Variants in SLC2A4 observed in about 807,000 individuals in gnomAD.
The protein encoded by SLC2A4 is solute carrier family 2, facilitated glucose transporter member 4.
A neutral mutation model predicts 53.3 loss-of-function variants in SLC2A4; 31 were observed. The ratio of observed to expected loss-of-function variants is 0.58; its 90% CI spans 0.44 to 0.78. The LOEUF (loss-of-function observed/expected upper bound fraction) is 0.78, where lower values mean the gene tolerates loss of function less well. Among genes scored for constraint, SLC2A4 ranks in the 30% least tolerant of loss-of-function variants. The pLI is 0.00. For missense variants in SLC2A4, 538 were observed against 655.7 expected, an observed-to-expected ratio of 0.82 and a Z score of 1.96; for synonymous variants, 276 against 281.9, an observed-to-expected ratio of 0.98 and a Z score of 0.21.
Position 7,283,853 on chromosome 17 carries a change from G to A in SLC2A4, c.439G>A (p.Ala147Thr), listed in dbSNP as rs763227660. ...MLILGRFLIG[A>T]YSGLTSGLVP... ...CATCCTTGGACGATTCCTCATTGGC[G>A]CCTACTCAGGTACTCACGGGCACCA... The change falls in exon 4 of 11, where the codon GCC (alanine) becomes ACC (threonine). Residue 147 changes from alanine to threonine, a missense_variant. By Grantham distance (58) the Ala-to-Thr change is moderately conservative. Transcript: ENST00000317370. This position sits in a 1 kb window ranked among gnomAD's most constrained non-coding sequence, Gnocchi z 5.8. The A allele has an allele frequency of 1.8e-5, 29 of 1,613,964 alleles. No individual in the cohort carries two copies. Among genetic ancestry groups the A allele is most frequent in the East Asian group, 6.7e-5 (3 of 44,890 alleles).
In SLC2A4 at chr17:7,283,973, G is replaced by C. The variant is rs1275238258; in HGVS notation, c.449-1G>C. 1 of 1,613,738 alleles carries C rather than the reference G, an allele frequency of 6.2e-7. No individual in the cohort carries two copies. Among genetic ancestry groups the C allele is most frequent in the Admixed American group, 1.7e-5 (1 of 59,964 alleles). ...CAGCCCTCTCTTCTTCCCTCGCCCA[G>C]GGCTGACATCAGGGCTGGTGCCCAT... is the stretch of plus-strand genomic sequence containing the variant. On this transcript the variant is annotated splice_acceptor_variant, in intron 4 of 10. Coordinates refer to ENST00000317370, the MANE Select transcript of SLC2A4 (RefSeq NM_001042.3). LOFTEE classifies it high-confidence loss of function. This position sits in a 1 kb window ranked among gnomAD's most constrained non-coding sequence, Gnocchi z 5.8.
intron 10 of SLC2A4, 164 bp from the exon 11 acceptor site, chr17:7,286,262 A>G: frequency 1.3e-6 from 1 of 750,576 alleles, no homozygotes; most frequent in South Asian, 1.4e-5. Flanking sequence ...TCCTCTTTTC[A>G]GTGTAAATTC....
In SLC2A4 at chr17:7,285,897, C is replaced by T; in HGVS notation, c.1315C>T (p.Gln439Ter). Residue 439 changes from glutamine to a stop codon, truncating the protein, a stop_gained, in exon 10 of 11, where the codon CAG becomes TAG. Coordinates refer to ENST00000317370, the MANE Select transcript of SLC2A4 (RefSeq NM_001042.3). LOFTEE classifies it high-confidence loss of function. The surrounding 1 kb of genome is among the most constrained non-coding windows in gnomAD (Gnocchi z 6.0). ...TSNFIIGMGF[Q>*]YVAEAMGPYV... ...CAACTTCATCATTGGCATGGGTTTC[C>T]AGTATGTTGCGGTAGGTCCCCCCGC... 1 of 1,613,240 alleles carries T rather than the reference C, an allele frequency of 6.2e-7. No homozygotes were observed. Among genetic ancestry groups the T allele is most frequent in the Admixed American group, 1.7e-5 (1 of 59,980 alleles).
rs200526268 is a variant in SLC2A4, at chr17:7,284,878, G to C, written c.959G>C (p.Gly320Ala). ...AGCATCTTCGAGACAGCAGGGGTAG[G>C]CCAGCCTGCCTATGCCACCATAGGA... ...STSIFETAGV[G>A]QPAYATIGAG... Residue 320 changes from glycine to alanine, a missense_variant, in exon 8 of 11, where the codon GGC becomes GCC. Transcript: ENST00000317370. The surrounding 1 kb of genome is among the most constrained non-coding windows in gnomAD (Gnocchi z 7.5). 10 of 1,614,184 alleles carry C rather than the reference G, an allele frequency of 6.2e-6. No homozygotes were observed. Among genetic ancestry groups the C allele is most frequent in the Non-Finnish European group, 7.6e-6 (9 of 1,180,012 alleles).
rs1050691876 is a variant in SLC2A4, at chr17:7,283,112, G to A, written c.34-133G>A. 7.6e-6 allele frequency: 6 copies of A among 794,674 alleles called. No individual in the cohort carries two copies. In the Admixed American group the frequency reaches 1.0e-4, roughly 14 times the overall value. The allele number at this position is 794,674 out of a possible 1,614,324, so 49.2% of individuals were successfully genotyped here. ...AGATCTTTGTGCAATTCCTAATATG[G>A]CCCAGTTTCCCTCACCCAACATGTT... On this transcript the variant is annotated intron_variant, in intron 1 of 10. Transcript: ENST00000317370. The surrounding 1 kb of genome is among the most constrained non-coding windows in gnomAD (Gnocchi z 5.8).
rs2072415068 is a variant in SLC2A4 at position 7,282,969 on chromosome 17, T to G, written c.34-276T>G. The G allele has an allele frequency of 6.6e-6, 3 of 456,120 alleles. No homozygotes were observed. Among genetic ancestry groups the G allele is most frequent in the Non-Finnish European group, 1.2e-5 (3 of 246,028 alleles). 28.3% of individuals were successfully genotyped at this position (456,120 alleles called of 1,614,324 possible). On this transcript the variant is annotated intron_variant, in intron 1 of 10. Transcript: ENST00000317370. The surrounding 1 kb of genome is among the most constrained non-coding windows in gnomAD (Gnocchi z 4.1). The stretch of plus-strand genomic sequence containing the variant: ...AAATCTGAGCTCTTAAGGCCAAGCC[T>G]GTCTCAAGGTCACAGAAGAATTTTG...
At position 7,284,292 on chromosome 17, in the gene SLC2A4, C is replaced by T. The variant is rs748589221; in HGVS notation, c.640C>T (p.Leu214Phe). The stretch of plus-strand genomic sequence containing the variant: ...CCTGGGCCTCACAGTGCTACCTGCC[C>T]TCCTGCAGCTGGTCCTGCTGCCCTT... ...LLLGLTVLPA[L>F]LQLVLLPFCP... The change falls in exon 6 of 11, where the codon CTC becomes TTC. Residue 214 changes from leucine to phenylalanine, a missense_variant. Coordinates refer to ENST00000317370, the MANE Select transcript of SLC2A4 (RefSeq NM_001042.3). The surrounding 1 kb of genome is among the most constrained non-coding windows in gnomAD (Gnocchi z 7.5). The T allele has an allele frequency of 1.9e-6, 3 of 1,614,142 alleles. No individual in the cohort carries two copies. Among genetic ancestry groups the T allele is most frequent in the Non-Finnish European group, 2.5e-6 (3 of 1,180,032 alleles).
chr17:7,286,048 C>T lies in SLC2A4; in HGVS notation c.1326+140C>T, dbSNP rs192055015. 5.3e-6 allele frequency: 4 copies of T among 751,694 alleles called. No individual in the cohort carries two copies. The African/African-American group carries it at 7.1e-5, about 13-fold the overall frequency. The allele number at this position is 751,694 out of a possible 1,614,324, so 46.6% of individuals were successfully genotyped here. ...TCAGTTTGGTGGACCACCTGCTCCA[C>T]AGAATCAAAGCAAGGAAGGGAGCTG... is the stretch of plus-strand genomic sequence containing the variant. On this transcript the variant is annotated intron_variant, in intron 10 of 10. Coordinates refer to ENST00000317370, the MANE Select transcript of SLC2A4 (RefSeq NM_001042.3).
Position 7,284,309 on chromosome 17 carries a change from G to A in SLC2A4, c.657G>A (p.Leu219=). 1 of 1,614,150 alleles carries A rather than the reference G, an allele frequency of 6.2e-7. No individual in the cohort carries two copies. Among genetic ancestry groups the A allele is most frequent in the Non-Finnish European group, 8.5e-7 (1 of 1,180,036 alleles). Residue 219 remains leucine, a synonymous_variant, in exon 6 of 11, where the codon CTG becomes CTA. Coordinates refer to ENST00000317370, the MANE Select transcript of SLC2A4 (RefSeq NM_001042.3). The surrounding 1 kb of genome is among the most constrained non-coding windows in gnomAD (Gnocchi z 7.5). ...TVLPALLQLV[L]LPFCPESPRY... ...TACCTGCCCTCCTGCAGCTGGTCCT[G>A]CTGCCCTTCTGTCCCGAGAGCCCCC... is the stretch of plus-strand genomic sequence containing the variant.
rs913077189 is a variant in SLC2A4 at position 7,282,408 on chromosome 17, T to A, written c.33+441T>A. ...CACTCCTGGCCGCCCTCCAGGACGCTGAACTTTCCCTTGGCCCCATGGTTG... is the reference window on the plus strand; with the variant it reads ...CACTCCTGGCCGCCCTCCAGGACGCAGAACTTTCCCTTGGCCCCATGGTTG... On this transcript the variant is annotated intron_variant, in intron 1 of 10. Coordinates refer to ENST00000317370, the MANE Select transcript of SLC2A4 (RefSeq NM_001042.3). The surrounding 1 kb of genome is among the most constrained non-coding windows in gnomAD (Gnocchi z 4.1). The A allele has an allele frequency of 2.2e-6, 1 of 459,660 alleles. No homozygotes were observed. The highest frequency in any genetic ancestry group is 2.3e-5 in the Admixed American group (1 of 42,650). 28.5% of individuals were successfully genotyped at this position (459,660 alleles called of 1,614,324 possible).
Position 7,285,738 on chromosome 17 carries a change from G to A in SLC2A4, c.1156G>A (p.Val386Met), listed in dbSNP as rs760483902. 1.2e-6 allele frequency: 2 copies of A among 1,614,078 alleles called. No individual in the cohort carries two copies. Among genetic ancestry groups the A allele is most frequent in the South Asian group, 1.1e-5 (1 of 91,088 alleles). The change falls in exon 10 of 11, where the codon GTG becomes ATG. Residue 386 changes from valine (V) to methionine (M), a missense_variant. Transcript: ENST00000317370. The surrounding 1 kb of genome is among the most constrained non-coding windows in gnomAD (Gnocchi z 6.0). ...TCCAGCCATGAGCTACGTCTCCATT[G>A]TGGCCATCTTTGGCTTCGTGGCATT... ...RVPAMSYVSI[V>M]AIFGFVAFFE...
Position 7,284,561 on chromosome 17 carries a change from G to C in SLC2A4, c.804G>C (p.Glu268Asp). ...TGAAGGATGAGAAGCGGAAGCTGGA[G>C]CGTGAGCGGCCACTGTCCCTGCTCC... Reference protein sequence around the residue: ...AELKDEKRKLERERPLSLLQL... With the variant: ...AELKDEKRKLDRERPLSLLQL... The change falls in exon 7 of 11, where the codon GAG becomes GAC. Residue 268 changes from glutamate to aspartate, a missense_variant. Glu to Asp is a conservative substitution (Grantham distance 45). Coordinates refer to ENST00000317370, the MANE Select transcript of SLC2A4 (RefSeq NM_001042.3). The surrounding 1 kb of genome is among the most constrained non-coding windows in gnomAD (Gnocchi z 7.5). The C allele has an allele frequency of 6.2e-7, 1 of 1,614,240 alleles. No individual in the cohort carries two copies. The highest frequency in any genetic ancestry group is 2.2e-5 in the East Asian group (1 of 44,886).
At position 7,285,029 on chromosome 17, in the gene SLC2A4, CG is replaced by C. The variant is rs753919948; in HGVS notation, c.1021-57del. On this transcript the variant is annotated intron_variant, in intron 8 of 10. Coordinates refer to ENST00000317370, the MANE Select transcript of SLC2A4 (RefSeq NM_001042.3). The surrounding 1 kb of genome is among the most constrained non-coding windows in gnomAD (Gnocchi z 6.0). The stretch of plus-strand genomic sequence containing the variant: ...CTGCTCTTGGTTGCCCTCACCCACG[CG>C]GCCCCTCCTACTTCCCGTGCCCAAA... 12 of 1,612,602 alleles carry C rather than the reference CG, an allele frequency of 7.4e-6. No individual in the cohort carries two copies. In the African/African-American group the frequency reaches 1.6e-4, roughly 22 times the overall value.
In SLC2A4 at chr17:7,281,762, C is replaced by A. The variant is rs1179099341; in HGVS notation, c.-173C>A. 5.8e-6 allele frequency: 4 copies of A among 694,410 alleles called. No homozygotes were observed. The African/African-American group carries it at 7.1e-5, about 12-fold the overall frequency. 43.0% of individuals were successfully genotyped at this position (694,410 alleles called of 1,614,324 possible). On this transcript the variant is annotated 5_prime_UTR_variant, in exon 1 of 11. The change creates a new upstream start codon in the 5' untranslated region. Transcript: ENST00000317370. ...CTCCACCAGATCCGCGGGAGCCCCA[C>A]TGCTCTCCGGGTCCTTGGCTTGTGG...
chr17:7,282,876 A>G lies in SLC2A4; in HGVS notation c.34-369A>G. The G allele has an allele frequency of 2.7e-6, 1 of 371,552 alleles. No homozygotes were observed. Among genetic ancestry groups the G allele is most frequent in the Non-Finnish European group, 5.2e-6 (1 of 191,846 alleles). The allele number at this position is 371,552 out of a possible 1,614,324, so 23.0% of individuals were successfully genotyped here. ...TCACAGATAGGTAGGCAAGGCAGGC[A>G]ACATCACCCCCATCTCACAGAGGAC... On this transcript the variant is annotated intron_variant, in intron 1 of 10. Coordinates refer to ENST00000317370, the MANE Select transcript of SLC2A4 (RefSeq NM_001042.3). This position sits in a 1 kb window ranked among gnomAD's most constrained non-coding sequence, Gnocchi z 4.1.
Position 7,285,133 on chromosome 17 carries a change from G to T in SLC2A4, c.1066G>T (p.Gly356Cys), listed in dbSNP as rs1269804459. The change falls in exon 9 of 11, where the codon GGC becomes TGC. Residue 356 changes from glycine (G) to cysteine (C), a missense_variant. Coordinates refer to ENST00000317370, the MANE Select transcript of SLC2A4 (RefSeq NM_001042.3). The surrounding 1 kb of genome is among the most constrained non-coding windows in gnomAD (Gnocchi z 6.0). The part of the protein sequence containing the change: ...RAGRRTLHLL[G>C]LAGMCGCAIL... ...GGGGCGCCGGACGCTCCATCTCCTG[G>T]GCCTGGCGGGCATGTGTGGCTGTGC... 6.2e-7 allele frequency: 1 copy of T among 1,604,720 alleles called. No homozygotes were observed. The highest frequency in any genetic ancestry group is 8.5e-7 in the Non-Finnish European group (1 of 1,177,214).
rs1479848649 is a variant in SLC2A4, at chr17:7,284,779, C to T, written c.916-56C>T. 5.0e-6 allele frequency: 8 copies of T among 1,611,918 alleles called. No individual in the cohort carries two copies. The highest frequency in any genetic ancestry group is 6.8e-6 in the Non-Finnish European group (8 of 1,178,044). On this transcript the variant is annotated intron_variant, in intron 7 of 10. Coordinates refer to ENST00000317370, the MANE Select transcript of SLC2A4 (RefSeq NM_001042.3). This position sits in a 1 kb window ranked among gnomAD's most constrained non-coding sequence, Gnocchi z 7.5. ...CCAGGGTAGGGCCAGCCTGTTGTGG[C>T]TGGAGTAGAGGAAGGGGCATTCCTG...
In SLC2A4 at chr17:7,285,583, G is replaced by T; in HGVS notation, c.1123-122G>T. The T allele has an allele frequency of 1.1e-6, 1 of 940,712 alleles. No homozygotes were observed. Among genetic ancestry groups the T allele is most frequent in the Non-Finnish European group, 1.7e-6 (1 of 590,236 alleles). 58.3% of individuals were successfully genotyped at this position (940,712 alleles called of 1,614,324 possible). On this transcript the variant is annotated intron_variant, in intron 9 of 10. Coordinates refer to ENST00000317370, the MANE Select transcript of SLC2A4 (RefSeq NM_001042.3). This position sits in a 1 kb window ranked among gnomAD's most constrained non-coding sequence, Gnocchi z 6.0. Reference sequence around the variant, plus strand: ...GCCAGTCAAGGGCCTGCTCTAACCCGGGACAGCAGGCCCCCTACAAGCTGC... The same window carrying T: ...GCCAGTCAAGGGCCTGCTCTAACCCTGGACAGCAGGCCCCCTACAAGCTGC...
chr17:7,286,779 G>T lies in SLC2A4; in HGVS notation c.*150G>T. On this transcript the variant is annotated 3_prime_UTR_variant, in exon 11 of 11. Transcript: ENST00000317370. ...GGTAGAATTGGGAAGCTGGGGGAAG[G>T]GTGGTCTGAGCACCCCCTCATTCCC... is the stretch of plus-strand genomic sequence containing the variant. 2 of 744,984 alleles carry T rather than the reference G, an allele frequency of 2.7e-6. No homozygotes were observed. The highest frequency in any genetic ancestry group is 4.6e-6 in the Non-Finnish European group (2 of 433,304). 46.1% of individuals were successfully genotyped at this position (744,984 alleles called of 1,614,324 possible).
Sources: gnomAD v4.1 joint callset for allele counts on GRCh38, gnomAD v4.1.1 for gene constraint, Gnocchi (gnomAD v3.1) non-coding constraint, MANE v1.5 for transcripts, NCBI Gene and HGNC (gene_info 2026-07-23, HGNC 2026-07-21) for gene names.